The following ACTN4 variants were observed in gnomAD, a reference collection of about 807,000 sequenced individuals.
The protein encoded by ACTN4 is actinin alpha 4.
ACTN4 carries 18 observed loss-of-function variants against 114.2 expected under a neutral mutation model. The observed-to-expected ratio is 0.16, with a 90% CI of 0.11 to 0.23. The LOEUF is 0.23. Among genes scored for constraint, ACTN4 ranks in the 10% least tolerant of loss-of-function variants. The probability of loss-of-function intolerance (pLI) is 1.00; values close to 1 mark genes in which losing one functional copy is unlikely to be tolerated. For synonymous variants in ACTN4, 515 were observed against 506.3 expected (o/e 1.02, Z -0.23); for missense variants, 722 against 1,262.9 (o/e 0.57, Z 6.49).
chr19:38,685,000 C>T (rs1341729043), intron 1 of ACTN4, among the ~76,000 whole-genome samples: 3 of 152,126 alleles, frequency 2.0e-5, no homozygotes, highest in Non-Finnish European at 2.9e-5. Context: ...GGGTGGAAGG[C>T]AGTGGCGTGA....
intron 19 of ACTN4, 89 bp from the exon 20 acceptor site, chr19:38,728,907 C>T: frequency 6.5e-7 from 1 of 1,547,924 alleles, no homozygotes; most frequent in Non-Finnish European, 8.9e-7. Flanking sequence ...ACTCTCTCGG[C>T]TGTTTCCCTG....
chr19:38,665,914 C>T (rs964059908), intron 1 of ACTN4, among the ~76,000 whole-genome samples: 1 of 152,214 alleles, frequency 6.6e-6, no homozygotes. Context: ...ATCCCACAGC[C>T]TGGAGTCAGG....
In ACTN4 at chr19:38,700,732, G is replaced by T; in HGVS notation, c.277+18G>T. On this transcript the variant is annotated intron_variant, in intron 2 of 20. Coordinates refer to ENST00000252699, the MANE Select transcript of ACTN4 (RefSeq NM_004924.6). ...CATATCAGGTGAGACTCCCAGCCAC[G>T]CAGTGCGGCCGAGCCCTGGCACAGG... is the stretch of plus-strand genomic sequence containing the variant. 3 of 1,602,362 alleles carry T rather than the reference G, an allele frequency of 1.9e-6. No individual in the cohort carries two copies. The highest frequency in any genetic ancestry group is 2.6e-6 in the Non-Finnish European group (3 of 1,170,018).
At chr19:38,713,753 C>T (rs779991969) in intron 8 of ACTN4, among the ~76,000 whole-genome samples, 4 of 152,196 alleles carry the variant, frequency 2.6e-5, no homozygotes, top group Non-Finnish European at 5.9e-5. Flanking sequence ...CGTTTCAACT[C>T]CTCCTCTTGG....
chr19:38,682,254 G>A (rs1967600400), intron 1 of ACTN4, among the ~76,000 whole-genome samples: 1 of 152,140 alleles, frequency 6.6e-6, no homozygotes, highest in Non-Finnish European at 1.5e-5. Flanking sequence ...TGCCCAGGCT[G>A]GTCTCAAACT....
rs956311353 is a variant in ACTN4 at position 38,727,487 on chromosome 19, C to T, written c.2337+384C>T. Among the ~76,000 whole-genome samples the T allele has an allele frequency of 5.9e-5, 9 of 152,290 alleles. No homozygotes were observed. Among genetic ancestry groups the T allele is most frequent in the African/African-American group, 1.4e-4 (6 of 41,542 alleles). On this transcript the variant is annotated intron_variant, in intron 18 of 20. Transcript: ENST00000252699. The surrounding 1 kb of genome is among the most constrained non-coding windows in gnomAD (Gnocchi z 5.4). The stretch of plus-strand genomic sequence containing the variant: ...GCAGCCTCATCAGAGGGGCCCTGAG[C>T]GCCAGAGTTTGCTGCCATCCCCAGC...
intron 1 of ACTN4, among the ~76,000 whole-genome samples, chr19:38,652,613 C>G (rs940769999): frequency 7.9e-5 from 12 of 152,312 alleles, no homozygotes; most frequent in Non-Finnish European, 1.2e-4. Context: ...GACTCACCCT[C>G]CAGTTGGAAC....
chr19:38,685,798 C>T (rs1035378054), intron 1 of ACTN4, among the ~76,000 whole-genome samples: 5 of 152,098 alleles, frequency 3.3e-5, no homozygotes, highest in African/African-American at 1.2e-4. Flanking sequence ...ATGGCCCTGA[C>T]TTGGCCGGGT....
chr19:38,730,523 TA>T lies in ACTN4; in HGVS notation c.*1093del. The T allele has an allele frequency of 2.5e-6, 1 of 397,864 alleles. No individual in the cohort carries two copies. The highest frequency in any genetic ancestry group is 4.1e-5 in the South Asian group (1 of 24,524). 24.6% of individuals were successfully genotyped at this position (397,864 alleles called of 1,614,324 possible). On this transcript the variant is annotated 3_prime_UTR_variant, in exon 21 of 21. Coordinates refer to ENST00000252699, the MANE Select transcript of ACTN4 (RefSeq NM_004924.6). ...AGGATAATAAAACATGTAATATTTT[TA>T]AGAAGGATTCCTGCAGCATCATCTT...
chr19:38,690,137 C>T (rs575715971), intron 1 of ACTN4, among the ~76,000 whole-genome samples: 3 of 152,348 alleles, frequency 2.0e-5, no homozygotes, highest in Admixed American at 6.5e-5. Flanking sequence ...GCATTTGAGG[C>T]GGGAGTGGGC....
intron 11 of ACTN4, among the ~76,000 whole-genome samples, chr19:38,719,931 G>A (rs537235600): frequency 1.8e-4 from 27 of 152,356 alleles, no homozygotes; most frequent in African/African-American, 5.8e-4. Context: ...CCAGGGCCCA[G>A]CTGGTTCAGC....
intron 2 of ACTN4, 73 bp from the exon 3 acceptor site, chr19:38,700,927 CCT>C (rs998641058): frequency 7.0e-6 from 11 of 1,580,958 alleles, no homozygotes; most frequent in Non-Finnish European, 9.5e-6. Context: ...GACTCTAAAG[CCT>C]CTCTCCCTCT....
intron 1 of ACTN4, among the ~76,000 whole-genome samples, chr19:38,672,943 C>CTTTT (rs35501640): frequency 8.1e-6 from 1 of 122,914 alleles, no homozygotes; most frequent in African/African-American, 3.0e-5. Flanking sequence ...GCCATCCATT[C>CTTTT]TTTTTTTTTT....
rs569505297 is a variant in ACTN4 at position 38,708,406 on chromosome 19, C to T, written c.651+211C>T. Among the ~76,000 whole-genome samples the T allele has an allele frequency of 1.5e-4, 23 of 152,298 alleles. No individual in the cohort carries two copies. In the East Asian group the frequency reaches 4.4e-3, roughly 29 times the overall value. The stretch of plus-strand genomic sequence containing the variant: ...TCCCTTATTCCCCTCGTGGACTGTC[C>T]AGTCTCCCTCCATGGCACTGCAACC... On this transcript the variant is annotated intron_variant, in intron 6 of 20. Coordinates refer to ENST00000252699, the MANE Select transcript of ACTN4 (RefSeq NM_004924.6).
chr19:38,650,406 C>T (rs1879536949), intron 1 of ACTN4, among the ~76,000 whole-genome samples: 1 of 152,088 alleles, frequency 6.6e-6, no homozygotes, highest in African/African-American at 2.4e-5. Context: ...GCCTTGCTGC[C>T]ATGTGTCATT....
At chr19:38,683,384 C>G (rs1472926662) in intron 1 of ACTN4, among the ~76,000 whole-genome samples, 1 of 152,140 alleles carries the variant, frequency 6.6e-6, no homozygotes. Context: ...TGAGGGCTCT[C>G]TAACCCAGAC....
chr19:38,666,865 G>A (rs778960146), intron 1 of ACTN4, among the ~76,000 whole-genome samples: 5 of 152,140 alleles, frequency 3.3e-5, no homozygotes, highest in Non-Finnish European at 5.9e-5. Context: ...CTCTGGGGGA[G>A]GTAGGGACTG....
Position 38,724,522 on chromosome 19 carries a change from G to C in ACTN4, c.1967G>C (p.Ser656Thr). ...SNEHLRRQFA[S>T]QANVVGPWIQ... is the part of the protein sequence containing the mutation. Reference sequence around the variant, plus strand: ...GAGCACCTGCGCCGCCAGTTCGCCAGCCAGGCCAATGTTGTGGGGCCCTGG... The same window carrying C: ...GAGCACCTGCGCCGCCAGTTCGCCACCCAGGCCAATGTTGTGGGGCCCTGG... The change falls in exon 16 of 21, where the codon AGC becomes ACC. Residue 656 changes from serine to threonine, a missense_variant. Coordinates refer to ENST00000252699, the MANE Select transcript of ACTN4 (RefSeq NM_004924.6). This position sits in a 1 kb window ranked among gnomAD's most constrained non-coding sequence, Gnocchi z 7.0. 1.2e-6 allele frequency: 2 copies of C among 1,613,730 alleles called. No individual in the cohort carries two copies. Among genetic ancestry groups the C allele is most frequent in the Non-Finnish European group, 1.7e-6 (2 of 1,179,992 alleles).
intron 8 of ACTN4, 78 bp downstream of exon 8, chr19:38,710,420 C>CA (rs1380445941): frequency 1.4e-6 from 2 of 1,473,296 alleles, no homozygotes; most frequent in African/African-American, 2.8e-5. Flanking sequence ...CCGTGCTCAC[C>CA]TCATTTCTCT....
Sources: allele counts gnomAD v4.1 joint callset (sites outside exome capture counted in the v4.1 genomes callset), GRCh38; gene constraint gnomAD v4.1.1; non-coding constraint Gnocchi (gnomAD v3.1); transcripts MANE v1.5; gene names NCBI Gene and HGNC (gene_info 2026-07-23, HGNC 2026-07-21).